LRRC37A: variants seen among roughly 807,000 people sequenced by gnomAD.
LRRC37A encodes leucine-rich repeat-containing protein 37A.
Under a neutral mutation model 35.4 loss-of-function variants are expected in LRRC37A, and 3 were observed. That is an observed-to-expected ratio of 0.08 (90% CI 0.04 to 0.22). LRRC37A has a LOEUF of 0.22. Among genes scored for constraint, LRRC37A ranks in the 10% least tolerant of loss-of-function variants. The pLI is 1.00. For synonymous variants in LRRC37A, 23 were observed against 215.0 expected (o/e 0.11, Z 7.81); for missense variants, 67 against 565.3 (o/e 0.12, Z 8.94).
the LRRC37A span, among the ~76,000 whole-genome samples, chr17:46,281,397 C>CT: frequency 0.062 from 8,229 of 132,788 alleles, no homozygotes; most frequent in Non-Finnish European, 0.1. Flanking sequence ...TTATTCTTGT[C>CT]TTTTTTTTTT....
the LRRC37A span, chr17:46,267,037 CT>C: frequency 1.3e-5 from 3 of 222,722 alleles, no homozygotes; most frequent in African/African-American, 7.1e-5. Context: ...CGCGCCTCAG[CT>C]TCAGATTCGG....
chr17:46,282,419 T>G, the LRRC37A span, among the ~76,000 whole-genome samples: 2 of 149,504 alleles, frequency 1.3e-5, no homozygotes, highest in African/African-American at 2.5e-5. Flanking sequence ...TTTTGTTTGT[T>G]TTTTTTTTTT....
At chr17:46,255,583 C>T in the LRRC37A span, among the ~76,000 whole-genome samples, 3 of 151,906 alleles carry the variant, frequency 2.0e-5, no homozygotes, top group Non-Finnish European at 2.9e-5. Flanking sequence ...TCAGGCTGGT[C>T]TCAAACTCCC....
the LRRC37A span, chr17:46,259,649 T>C: frequency 3.4e-5 from 54 of 1,607,976 alleles, no homozygotes; most frequent in East Asian, 1.2e-3. Flanking sequence ...ACAGCATCCT[T>C]GGCCACCTCA....
the LRRC37A span, among the ~76,000 whole-genome samples, chr17:46,258,274 G>A: frequency 2.0e-5 from 3 of 151,482 alleles, no homozygotes; most frequent in Admixed American, 6.6e-5. Context: ...GCAGCGGCAC[G>A]ATCCCAGCTC....
the LRRC37A span, among the ~76,000 whole-genome samples, chr17:46,287,017 T>C: frequency 6.6e-6 from 1 of 152,250 alleles, no homozygotes; most frequent in African/African-American, 2.4e-5. Context: ...TTGAGCTGCA[T>C]GGTACTTAAA....
chr17:46,261,220 T>G, the LRRC37A span, among the ~76,000 whole-genome samples: 1 of 152,212 alleles, frequency 6.6e-6, no homozygotes, highest in Non-Finnish European at 1.5e-5. Context: ...AATAAAAATT[T>G]TTTTTTAGAA....
At chr17:46,259,019 ATT>A in the LRRC37A span, among the ~76,000 whole-genome samples, 67 of 79,398 alleles carry the variant, frequency 8.4e-4, no homozygotes, top group Admixed American at 2.8e-3. Context: ...CACCCGGCCT[ATT>A]TTTTTTTTTT....
chr17:46,276,807 T>TC, the LRRC37A span, among the ~76,000 whole-genome samples: 1 of 149,604 alleles, frequency 6.7e-6, no homozygotes. Context: ...TTTTTTTTTT[T>TC]GATTTGTTTG....
At chr17:46,312,662 A>AG (rs2050861736) in intron 5 of LRRC37A, among the ~76,000 whole-genome samples, 1 of 78,820 alleles carries the variant, frequency 1.3e-5, no homozygotes, top group Middle Eastern at 7.0e-3. Context: ...TATAGAATGA[A>AG]GGGGTAGCCG....
chr17:46,259,647 C>G, the LRRC37A span: 4 of 1,607,542 alleles, frequency 2.5e-6, no homozygotes, highest in Non-Finnish European at 2.6e-6. Context: ...ACACAGCATC[C>G]TTGGCCACCT....
At chr17:46,284,681 T>C in the LRRC37A span, among the ~76,000 whole-genome samples, 5 of 148,090 alleles carry the variant, frequency 3.4e-5, no homozygotes, top group African/African-American at 9.7e-5. Flanking sequence ...CAACTGCTTC[T>C]GTAACAGGTG....
chr17:46,254,403 T>G, the LRRC37A span, among the ~76,000 whole-genome samples: 2 of 152,114 alleles, frequency 1.3e-5, no homozygotes, highest in East Asian at 3.9e-4. Flanking sequence ...TTGTATTTAT[T>G]TATTTATTTA....
chr17:46,250,743 T>G, the LRRC37A span, among the ~76,000 whole-genome samples: 1 of 152,222 alleles, frequency 6.6e-6, no homozygotes, highest in Admixed American at 6.5e-5. Context: ...TAGAGAACCC[T>G]GACTAATACG....
At chr17:46,286,804 G>A in the LRRC37A span, among the ~76,000 whole-genome samples, 1 of 152,244 alleles carries the variant, frequency 6.6e-6, no homozygotes, top group Non-Finnish European at 1.5e-5. Context: ...CACTGTGACT[G>A]CAGGTGTTCT....
At position 46,304,634 on chromosome 17, in the gene LRRC37A, G is replaced by A. The variant is rs1162973549; in HGVS notation, c.2754-875G>A. 2.9e-5 allele frequency among the ~76,000 whole-genome samples: 2 copies of A among 67,822 alleles called. 1 individual carries two copies. The highest frequency in any genetic ancestry group is 8.9e-5 in the Non-Finnish European group (2 of 22,448). 44.5% of individuals were successfully genotyped at this position (67,822 alleles called of 152,430 possible). ...CAAACTCCATCACTGTATAACTGAA[G>A]AAATTTTTTTTTATGAAATATTAAA... On this transcript the variant is annotated intron_variant, in intron 3 of 13. Transcript: ENST00000320254.
At chr17:46,273,029 G>C in the LRRC37A span, among the ~76,000 whole-genome samples, 15,582 of 143,948 alleles carry the variant, frequency 0.11, 1 homozygote, top group Middle Eastern at 0.17. Context: ...ACATACAAAA[G>C]AATTGCTGTT....
chr17:46,276,052 G>A, the LRRC37A span, among the ~76,000 whole-genome samples: 2 of 152,116 alleles, frequency 1.3e-5, no homozygotes, highest in Non-Finnish European at 2.9e-5. Context: ...CACCACACCC[G>A]GCTAATTTTT....
the LRRC37A span, among the ~76,000 whole-genome samples, chr17:46,270,788 T>A: frequency 6.6e-6 from 1 of 152,184 alleles, no homozygotes; most frequent in African/African-American, 2.4e-5. Context: ...ATGCCTGTAA[T>A]CCCAGCTATT....
Sources: gnomAD v4.1 joint callset for allele counts (sites outside exome capture counted in the v4.1 genomes callset) on GRCh38, gnomAD v4.1.1 for gene constraint, MANE v1.5 for transcripts, NCBI Gene and HGNC (gene_info 2026-07-23, HGNC 2026-07-21) for gene names.